MRTFB: variants seen among roughly 807,000 people sequenced by gnomAD.
MRTFB encodes myocardin-related transcription factor B.
In MRTFB, 29 loss-of-function variants were observed where a neutral mutation model predicts 104.2. That is an observed-to-expected ratio of 0.28 (90% CI 0.21 to 0.38). The LOEUF (loss-of-function observed/expected upper bound fraction) is 0.38, where lower values mean the gene tolerates loss of function less well. Among genes scored for constraint, MRTFB ranks in the 10% least tolerant of loss-of-function variants. MRTFB has a pLI of 1.00. For synonymous variants in MRTFB, 535 were observed against 519.5 expected, an observed-to-expected ratio of 1.03 and a Z score of -0.41; for missense variants, 1,270 against 1,341.6, an observed-to-expected ratio of 0.95 and a Z score of 0.83.
At chr16:14,169,020 A>T (rs1198948782) in intron 3 of MRTFB, among the ~76,000 whole-genome samples, 1 of 152,046 alleles carries the variant, frequency 6.6e-6, no homozygotes, top group Non-Finnish European at 1.5e-5. Context: ...TCTTTTGCTC[A>T]TTTTTTCCAA....
intron 2 of MRTFB, among the ~76,000 whole-genome samples, chr16:14,117,010 C>T (rs1275076162): frequency 6.6e-6 from 1 of 152,178 alleles, no homozygotes; most frequent in Admixed American, 6.5e-5. Context: ...GAGTCTAGCT[C>T]AGCTCTCTCG....
upstream of MRTFB, among the ~76,000 whole-genome samples, chr16:14,070,795 G>T (rs1008338383): frequency 6.6e-6 from 1 of 152,206 alleles, no homozygotes; most frequent in African/African-American, 2.4e-5. Flanking sequence ...TTTTGGGCTG[G>T]GCATCAGACA....
At chr16:14,006,717 T>G in the MRTFB span, among the ~76,000 whole-genome samples, 1 of 152,052 alleles carries the variant, frequency 6.6e-6, no homozygotes, top group Non-Finnish European at 1.5e-5. Context: ...ACTTTTTTTT[T>G]TTTAAAGAGC....
chr16:14,251,149 G>A (rs1251122964), intron 13 of MRTFB, among the ~76,000 whole-genome samples: 2 of 151,952 alleles, frequency 1.3e-5, no homozygotes, highest in African/African-American at 4.8e-5. Context: ...GGCCGAGGCG[G>A]GTGGATCACG....
At chr16:14,130,603 T>A (rs1018372681) in intron 2 of MRTFB, among the ~76,000 whole-genome samples, 3 of 152,244 alleles carry the variant, frequency 2.0e-5, no homozygotes, top group Admixed American at 6.5e-5. Flanking sequence ...ACTGTGTACG[T>A]GAAAATTCAT....
chr16:14,227,230 G>GAGAT lies in MRTFB; in HGVS notation c.694-6914_694-6911dup, dbSNP rs1288605181. 2.6e-5 allele frequency among the ~76,000 whole-genome samples: 4 copies of GAGAT among 152,022 alleles called. No individual in the cohort carries two copies. In the East Asian group the frequency reaches 7.7e-4, roughly 29 times the overall value. ...ATGAATAGATTAACAGCCTCCCTTA[G>GAGAT]AGATAAGTGAATTCTCACTGCATTA... On this transcript the variant is annotated intron_variant, in intron 8 of 16. Coordinates refer to ENST00000571589, the MANE Select transcript of MRTFB (RefSeq NM_001308142.2).
chr16:14,144,357 A>G (rs931641269), intron 3 of MRTFB: 2 of 152,202 alleles, frequency 1.3e-5, no homozygotes, highest in Non-Finnish European at 1.5e-5. Flanking sequence ...CCTAATTTGC[A>G]TATACATTCC....
chr16:14,174,302 G>A (rs201331812), intron 3 of MRTFB, among the ~76,000 whole-genome samples: 1 of 152,148 alleles, frequency 6.6e-6, no homozygotes, highest in South Asian at 2.1e-4. Context: ...TGTCCTTTTT[G>A]TTTTGTAACA....
At chr16:14,245,391 C>T in intron 10 of MRTFB, 137 bp from the exon 11 acceptor site, 1 of 676,810 alleles carries the variant, frequency 1.5e-6, no homozygotes, top group Non-Finnish European at 2.3e-6. Flanking sequence ...ATGTAATTGG[C>T]ATCTTTACAA....
chr16:14,252,307 A>C, intron 14 of MRTFB, 58 bp from the exon 15 acceptor site: 1 of 1,577,928 alleles, frequency 6.3e-7, no homozygotes, highest in Non-Finnish European at 8.6e-7. Context: ...GAGTCTAGCC[A>C]GGAAAAGAGA....
intron 3 of MRTFB, among the ~76,000 whole-genome samples, chr16:14,196,487 C>A (rs899506087): frequency 6.6e-6 from 1 of 152,214 alleles, no homozygotes; most frequent in Non-Finnish European, 1.5e-5. Context: ...TTTTCCAATT[C>A]TGTATACTTA....
intron 2 of MRTFB, chr16:14,093,023 C>T (rs2035170615): frequency 6.6e-6 from 1 of 152,178 alleles, no homozygotes; most frequent in South Asian, 2.1e-4. Context: ...TGATTCCTCT[C>T]TCTTAATGAC....
intron 7 of MRTFB, 45 bp from the exon 8 acceptor site, chr16:14,218,775 T>A: frequency 6.5e-7 from 1 of 1,539,438 alleles, no homozygotes; most frequent in South Asian, 1.3e-5. Context: ...AGCTTGGTAT[T>A]CCAAAGCCAA....
intron 2 of MRTFB, among the ~76,000 whole-genome samples, chr16:14,130,175 G>T: frequency 6.6e-6 from 1 of 152,046 alleles, no homozygotes; most frequent in East Asian, 1.9e-4. Context: ...TTAAATTGGG[G>T]TTTTTATCTT....
At chr16:14,223,496 C>A (rs901658295) in intron 8 of MRTFB, among the ~76,000 whole-genome samples, 4 of 151,846 alleles carry the variant, frequency 2.6e-5, no homozygotes, top group African/African-American at 7.3e-5. Context: ...ATTAGGAAAA[C>A]TATATATGAA....
chr16:14,133,919 A>G (rs1401396390), intron 2 of MRTFB, among the ~76,000 whole-genome samples: 2 of 152,194 alleles, frequency 1.3e-5, no homozygotes, highest in Non-Finnish European at 2.9e-5. Context: ...TGGCCATTTT[A>G]CTTGGAGAAC....
chr16:14,261,622 G>T lies in MRTFB; in HGVS notation c.*178G>T. 4.8e-6 allele frequency: 3 copies of T among 629,706 alleles called. No homozygotes were observed. Among genetic ancestry groups the T allele is most frequent in the Admixed American group, 6.4e-5 (2 of 31,096 alleles). The allele number at this position is 629,706 out of a possible 1,614,324, so 39.0% of individuals were successfully genotyped here. On this transcript the variant is annotated 3_prime_UTR_variant, in exon 17 of 17. Coordinates refer to ENST00000571589, the MANE Select transcript of MRTFB (RefSeq NM_001308142.2). Reference sequence around the variant, plus strand: ...GTTTGAAAACATTTCATTGTGTTCAGTAGTGAATTTCTACAGTTTAACATA... The same window carrying T: ...GTTTGAAAACATTTCATTGTGTTCATTAGTGAATTTCTACAGTTTAACATA...
intron 8 of MRTFB, among the ~76,000 whole-genome samples, chr16:14,221,600 G>T (rs1479094020): frequency 6.6e-6 from 1 of 152,112 alleles, no homozygotes; most frequent in African/African-American, 2.4e-5. Flanking sequence ...TGCTTGTAAA[G>T]CAAGATAATA....
At chr16:14,236,378 G>A (rs530446027) in intron 9 of MRTFB, among the ~76,000 whole-genome samples, 20 of 152,232 alleles carry the variant, frequency 1.3e-4, no homozygotes, top group Admixed American at 4.6e-4. Flanking sequence ...TTTGTTGAAC[G>A]GATACTTATT....
Sources: allele counts gnomAD v4.1 joint callset (sites outside exome capture counted in the v4.1 genomes callset), GRCh38; gene constraint gnomAD v4.1.1; transcripts MANE v1.5; gene names NCBI Gene and HGNC (gene_info 2026-07-23, HGNC 2026-07-21).